KLF12: variants seen among roughly 807,000 people sequenced by gnomAD.
KLF12 encodes Krueppel-like factor 12.
A neutral mutation model predicts 37.8 loss-of-function variants in KLF12; 9 were observed. That is an observed-to-expected ratio of 0.24 (90% CI 0.14 to 0.42). The LOEUF (loss-of-function observed/expected upper bound fraction) is 0.42, where lower values mean the gene tolerates loss of function less well. KLF12 is among the 10% of genes least tolerant of loss of function. The pLI is 1.00. For synonymous variants in KLF12, 208 were observed against 202.1 expected (o/e 1.03, Z -0.25); for missense variants, 411 against 516.0 (o/e 0.80, Z 1.97).
chr13:74,108,286 A>C (rs900067763), intron 1 of KLF12, among the ~76,000 whole-genome samples: 1 of 151,976 alleles, frequency 6.6e-6, no homozygotes, highest in Non-Finnish European at 1.5e-5. Flanking sequence ...AAACTTTTTC[A>C]ATACTATTAG....
chr13:74,291,200 C>T, the KLF12 span, among the ~76,000 whole-genome samples: 584 of 152,268 alleles, frequency 3.8e-3, 2 homozygotes, highest in Non-Finnish European at 6.3e-3. Context: ...TGCTTCAGGT[C>T]ACTCAGATTC....
chr13:74,049,051 T>C (rs1893618571), intron 1 of KLF12, among the ~76,000 whole-genome samples: 1 of 152,218 alleles, frequency 6.6e-6, no homozygotes, highest in Admixed American at 6.5e-5. Flanking sequence ...GGAAGACTGA[T>C]TGACAGTCCA....
intron 7 of KLF12, among the ~76,000 whole-genome samples, chr13:73,704,911 T>A (rs1874825348): frequency 6.6e-6 from 1 of 152,220 alleles, no homozygotes; most frequent in African/African-American, 2.4e-5. Flanking sequence ...TACTTTGTTC[T>A]TTTAAAAATA....
chr13:73,955,890 T>G (rs1373762713), intron 2 of KLF12, among the ~76,000 whole-genome samples: 1 of 151,924 alleles, frequency 6.6e-6, no homozygotes, highest in Non-Finnish European at 1.5e-5. Context: ...TCTGTGCCAT[T>G]ACACATGTTC....
At chr13:74,062,639 C>A (rs1490341132) in intron 1 of KLF12, among the ~76,000 whole-genome samples, 1 of 152,122 alleles carries the variant, frequency 6.6e-6, no homozygotes, top group African/African-American at 2.4e-5. Flanking sequence ...ATTTACTGTG[C>A]AGCATGATAT....
At chr13:74,092,147 A>G (rs1875704243) in intron 1 of KLF12, among the ~76,000 whole-genome samples, 1 of 151,774 alleles carries the variant, frequency 6.6e-6, no homozygotes, top group South Asian at 2.1e-4. Flanking sequence ...AAAAGAAAAA[A>G]TTAGCTGGGT....
At chr13:74,214,394 AGT>A in the KLF12 span, among the ~76,000 whole-genome samples, 2 of 152,132 alleles carry the variant, frequency 1.3e-5, no homozygotes, top group Non-Finnish European at 2.9e-5. Context: ...TTGAAGATTC[AGT>A]GTCTTCCTGT....
chr13:74,206,413 A>G, the KLF12 span, among the ~76,000 whole-genome samples: 2 of 152,178 alleles, frequency 1.3e-5, no homozygotes, highest in African/African-American at 2.4e-5. Context: ...ATTCAGTTCC[A>G]AACAATTACC....
intron 3 of KLF12, among the ~76,000 whole-genome samples, chr13:73,852,871 G>GTTT (rs35471651): frequency 2.2e-5 from 3 of 137,188 alleles, no homozygotes; most frequent in Non-Finnish European, 3.2e-5. Context: ...TTACATTTAT[G>GTTT]TTTTTTTTTT....
chr13:73,925,324 G>C (rs1195981117), intron 3 of KLF12, among the ~76,000 whole-genome samples: 3 of 152,204 alleles, frequency 2.0e-5, no homozygotes, highest in Admixed American at 6.5e-5. Context: ...ATTGAAGCCA[G>C]TGCACATTTA....
chr13:74,177,025 G>A, the KLF12 span, among the ~76,000 whole-genome samples: 1 of 152,058 alleles, frequency 6.6e-6, no homozygotes, highest in African/African-American at 2.4e-5. Context: ...TCCCACTATG[G>A]CCAGTTCTAA....
intron 2 of KLF12, among the ~76,000 whole-genome samples, chr13:73,993,180 C>T (rs540799965): frequency 1.3e-5 from 2 of 152,168 alleles, no homozygotes; most frequent in African/African-American, 2.4e-5. Flanking sequence ...TGCAGTAAGC[C>T]GAGATCGCGC....
intron 1 of KLF12, among the ~76,000 whole-genome samples, chr13:74,111,289 C>T (rs1411251702): frequency 5.3e-5 from 8 of 151,944 alleles, no homozygotes; most frequent in Non-Finnish European, 8.8e-5. Context: ...TGGTACTGTA[C>T]TGTAGCCTGA....
the KLF12 span, among the ~76,000 whole-genome samples, chr13:74,265,691 A>G: frequency 6.6e-6 from 1 of 152,326 alleles, no homozygotes; most frequent in East Asian, 1.9e-4. Flanking sequence ...GGACCTACAG[A>G]CACATCCTCT....
the KLF12 span, among the ~76,000 whole-genome samples, chr13:74,230,040 T>C: frequency 1.3e-5 from 2 of 152,194 alleles, no homozygotes; most frequent in East Asian, 3.9e-4. Context: ...TAGAATGAGA[T>C]GATAACACAT....
chr13:74,117,265 A>G (rs148466550), intron 1 of KLF12, among the ~76,000 whole-genome samples: 1 of 152,266 alleles, frequency 6.6e-6, no homozygotes, highest in African/African-American at 2.4e-5. Flanking sequence ...CAGGGAAAAT[A>G]TGAGATGAGC....
At position 73,919,706 on chromosome 13, in the gene KLF12, T is replaced by G. The variant is rs374410142; in HGVS notation, c.123+24275A>C. 3.1e-4 allele frequency among the ~76,000 whole-genome samples: 47 copies of G among 152,268 alleles called. No individual in the cohort carries two copies. The East Asian group carries it at 5.6e-3, about 18-fold the overall frequency. On this transcript the variant is annotated intron_variant, in intron 3 of 7. Transcript: ENST00000377669. Reference sequence around the variant, plus strand: ...TTGTGAATCAATCCTCTAATTTCATTTGAATGCATCCAGAAATCTGGATAT... The same window carrying G: ...TTGTGAATCAATCCTCTAATTTCATGTGAATGCATCCAGAAATCTGGATAT...
At position 74,010,890 on chromosome 13, in the gene KLF12, T is replaced by C. The variant is rs560586090; in HGVS notation, c.-31-15837A>G. On this transcript the variant is annotated intron_variant, in intron 1 of 7. Coordinates refer to ENST00000377669, the MANE Select transcript of KLF12 (RefSeq NM_007249.5). ...TGGTTCATGGTTTTTCAAAGTAATA[T>C]CATCCAAGTAAACTAAAACATACAA... Among the ~76,000 whole-genome samples the C allele has an allele frequency of 3.3e-5, 5 of 152,294 alleles. No individual in the cohort carries two copies. In the South Asian group the frequency reaches 1.0e-3, roughly 32 times the overall value.
At chr13:74,266,988 C>T in the KLF12 span, among the ~76,000 whole-genome samples, 1 of 152,012 alleles carries the variant, frequency 6.6e-6, no homozygotes, top group South Asian at 2.1e-4. Context: ...ATTAGTGTAC[C>T]ATTTGAATGC....
Sources: allele counts gnomAD v4.1 joint callset (sites outside exome capture counted in the v4.1 genomes callset), GRCh38; gene constraint gnomAD v4.1.1; transcripts MANE v1.5; gene names NCBI Gene and HGNC (gene_info 2026-07-23, HGNC 2026-07-21).